Variants in DRC8 observed in about 807,000 individuals in gnomAD.
The protein encoded by DRC8 is dynein regulatory complex protein 8.
the DRC8 span, among the ~76,000 whole-genome samples, chr1:244,994,581 C>T: frequency 9.2e-5 from 14 of 152,208 alleles, no homozygotes; most frequent in African/African-American, 3.4e-4. Flanking sequence ...AGGTGCATGC[C>T]ACCATGCCTG....
At chr1:245,030,313 T>TTTCTCA in the DRC8 span, among the ~76,000 whole-genome samples, 1 of 152,222 alleles carries the variant, frequency 6.6e-6, no homozygotes, top group Non-Finnish European at 1.5e-5. Context: ...TTCTTTAAGT[T>TTTCTCA]TTCTCAGTTC....
the DRC8 span, among the ~76,000 whole-genome samples, chr1:245,084,471 A>T: frequency 0.45 from 68,033 of 152,014 alleles, 16,718 homozygotes; most frequent in East Asian, 0.68. Context: ...ATTGAACCAT[A>T]TATATTTGTT....
At chr1:245,014,517 G>A in the DRC8 span, among the ~76,000 whole-genome samples, 2 of 152,138 alleles carry the variant, frequency 1.3e-5, no homozygotes, top group East Asian at 3.8e-4. Flanking sequence ...ATAAATTATG[G>A]TGTATTATTT....
chr1:245,025,743 G>A, the DRC8 span, among the ~76,000 whole-genome samples: 2 of 152,188 alleles, frequency 1.3e-5, no homozygotes, highest in African/African-American at 4.8e-5. Context: ...ATCCCCACAT[G>A]TTGTGGGAGG....
At chr1:244,972,557 A>T in the DRC8 span, among the ~76,000 whole-genome samples, 1 of 152,190 alleles carries the variant, frequency 6.6e-6, no homozygotes, top group African/African-American at 2.4e-5. Flanking sequence ...GCGGTGGCTC[A>T]CGCCTGCAAT....
chr1:245,070,731 A>T, the DRC8 span, among the ~76,000 whole-genome samples: 20 of 152,160 alleles, frequency 1.3e-4, no homozygotes, highest in Admixed American at 1.3e-3. Flanking sequence ...CTTAATTGCC[A>T]TGTTTCTATG....
the DRC8 span, among the ~76,000 whole-genome samples, chr1:245,003,791 A>G: frequency 7.3e-5 from 11 of 151,688 alleles, no homozygotes; most frequent in Non-Finnish European, 1.2e-4. Context: ...TTTTGTAGAG[A>G]CAGGATCTCA....
the DRC8 span, among the ~76,000 whole-genome samples, chr1:245,056,054 T>A: frequency 1.3e-5 from 2 of 152,160 alleles, no homozygotes; most frequent in African/African-American, 4.8e-5. Flanking sequence ...AGTTACTTAA[T>A]TTAAAATGTA....
the DRC8 span, among the ~76,000 whole-genome samples, chr1:245,022,861 T>G: frequency 2.6e-5 from 4 of 152,220 alleles, no homozygotes; most frequent in Admixed American, 2.0e-4. Context: ...CTTTTTCATC[T>G]TCCCAAACTG....
the DRC8 span, chr1:245,030,885 G>C: frequency 6.6e-6 from 1 of 152,242 alleles, no homozygotes; most frequent in Admixed American, 6.5e-5. Context: ...GTGTGCCTTT[G>C]TTGAGCAGAG....
the DRC8 span, among the ~76,000 whole-genome samples, chr1:244,988,807 T>G: frequency 6.6e-6 from 1 of 152,252 alleles, no homozygotes; most frequent in African/African-American, 2.4e-5. Flanking sequence ...GTAACTTTGA[T>G]TGAATATTCC....
the DRC8 span, among the ~76,000 whole-genome samples, chr1:245,007,822 A>G: frequency 2.6e-5 from 4 of 152,160 alleles, no homozygotes; most frequent in Admixed American, 6.6e-5. Flanking sequence ...AGGGACTTCA[A>G]GATGGGTAAT....
chr1:245,050,392 G>A, the DRC8 span, among the ~76,000 whole-genome samples: 1 of 151,962 alleles, frequency 6.6e-6, no homozygotes, highest in Non-Finnish European at 1.5e-5. Flanking sequence ...GACCCACCGC[G>A]CCCAGCCCTC....
the DRC8 span, among the ~76,000 whole-genome samples, chr1:244,976,617 A>G: frequency 6.6e-6 from 1 of 152,226 alleles, no homozygotes; most frequent in South Asian, 2.1e-4. Flanking sequence ...GAAGGCTATT[A>G]TCACCAGAAG....
the DRC8 span, chr1:244,970,317 C>G: frequency 7.9e-7 from 1 of 1,267,838 alleles, no homozygotes; most frequent in South Asian, 1.3e-5. Context: ...TTCAGAGCGG[C>G]CCCTCCTCCA....
chr1:244,977,192 G>A, the DRC8 span, among the ~76,000 whole-genome samples: 99,099 of 152,086 alleles, frequency 0.65, 34,579 homozygotes, highest in East Asian at 1. Context: ...CAAGATGAAG[G>A]AAGTTCTGGA....
chr1:245,079,672 T>C, the DRC8 span, among the ~76,000 whole-genome samples: 1 of 152,214 alleles, frequency 6.6e-6, no homozygotes, highest in South Asian at 2.1e-4. Flanking sequence ...TTTGGTCTTT[T>C]AAAGGTTGAG....
At chr1:244,978,637 G>A in the DRC8 span, among the ~76,000 whole-genome samples, 1 of 152,058 alleles carries the variant, frequency 6.6e-6, no homozygotes, top group East Asian at 1.9e-4. Flanking sequence ...CTGCAGGGGC[G>A]TGCCACTGTG....
chr1:245,094,324 T>C, the DRC8 span, among the ~76,000 whole-genome samples: 1 of 152,328 alleles, frequency 6.6e-6, no homozygotes, highest in South Asian at 2.1e-4. Context: ...AATTCGAGGT[T>C]ACTTTTTAGG....
Sources: allele counts gnomAD v4.1 joint callset (sites outside exome capture counted in the v4.1 genomes callset), GRCh38; gene constraint gnomAD v4.1.1; transcripts MANE v1.5; gene names NCBI Gene and HGNC (gene_info 2026-07-23, HGNC 2026-07-21).